CC2D2B: variants seen among roughly 807,000 people sequenced by gnomAD.
The protein encoded by CC2D2B is coiled-coil and C2 domain containing 2B, also known as protein CC2D2B.
In CC2D2B, 128 loss-of-function variants were observed where a neutral mutation model predicts 161.2. The ratio of observed to expected loss-of-function variants is 0.79; its 90% CI spans 0.69 to 0.92. The LOEUF (loss-of-function observed/expected upper bound fraction) is 0.92. CC2D2B is among the 40% of genes least tolerant of loss of function. CC2D2B has a pLI of 0.00. For synonymous variants in CC2D2B, 391 were observed against 449.8 expected (o/e 0.87, Z 1.65); for missense variants, 1,173 against 1,375.1 (o/e 0.85, Z 2.32).
At chr10:95,908,710 C>T (rs1254989820) in intron 1 of CC2D2B, among the ~76,000 whole-genome samples, 2 of 150,204 alleles carry the variant, frequency 1.3e-5, no homozygotes, top group African/African-American at 4.9e-5. Context: ...TCCTGGTTGA[C>T]TTTCTCTCTA....
intron 1 of CC2D2B, among the ~76,000 whole-genome samples, chr10:95,909,940 A>G (rs906031172): frequency 6.6e-6 from 1 of 152,232 alleles, no homozygotes; most frequent in African/African-American, 2.4e-5. Context: ...TGAGGCCAAG[A>G]GTTTGAGACC....
At chr10:96,011,041 G>C (rs1215534453) in intron 26 of CC2D2B, among the ~76,000 whole-genome samples, 3 of 152,196 alleles carry the variant, frequency 2.0e-5, no homozygotes, top group African/African-American at 4.8e-5. Flanking sequence ...ATAAATGGCT[G>C]CCATCGTATA....
chr10:95,989,033 C>T (rs1336752934), intron 20 of CC2D2B, among the ~76,000 whole-genome samples: 1 of 152,202 alleles, frequency 6.6e-6, no homozygotes, highest in Non-Finnish European at 1.5e-5. Flanking sequence ...CAAAAGTAGA[C>T]TCTTACCCAC....
At chr10:95,971,891 A>G (rs926314317) in intron 15 of CC2D2B, among the ~76,000 whole-genome samples, 175 bp from the exon 16 acceptor site, 2 of 152,232 alleles carry the variant, frequency 1.3e-5, no homozygotes, top group Non-Finnish European at 2.9e-5. Context: ...AAGGCATTAC[A>G]CTTTCAAGGA....
intron 12 of CC2D2B, among the ~76,000 whole-genome samples, chr10:95,963,548 T>C (rs1474750674): frequency 1.3e-5 from 2 of 152,008 alleles, no homozygotes; most frequent in Non-Finnish European, 2.9e-5. Flanking sequence ...TGGGTGTGCA[T>C]GAAACTGCCT....
At chr10:95,957,875 A>G (rs1382441765) in intron 11 of CC2D2B, among the ~76,000 whole-genome samples, 1 of 151,658 alleles carries the variant, frequency 6.6e-6, no homozygotes, top group Non-Finnish European at 1.5e-5. Context: ...TTTAAAAAAA[A>G]AAAAATAACA....
intron 33 of CC2D2B, among the ~76,000 whole-genome samples, chr10:96,026,498 C>T (rs1304623668): frequency 6.6e-6 from 1 of 152,096 alleles, no homozygotes; most frequent in Non-Finnish European, 1.5e-5. Flanking sequence ...TCATCCCAGA[C>T]CAGATGCGTG....
chr10:95,917,933 A>G lies in CC2D2B; in HGVS notation c.37-4083A>G, dbSNP rs923838770. On this transcript the variant is annotated intron_variant, in intron 2 of 34. Coordinates refer to ENST00000646931, the MANE Select transcript of CC2D2B (RefSeq NM_001349008.3). The stretch of plus-strand genomic sequence containing the variant: ...CTGGGTTACAGACGCACACCACCAC[A>G]CCTGGCTAATTTTTGTATTTTTAAG... Among the ~76,000 whole-genome samples, 4 of 151,768 alleles carry G rather than the reference A, an allele frequency of 2.6e-5. 1 individual carries two copies. Among genetic ancestry groups the G allele is most frequent in the African/African-American group, 9.7e-5 (4 of 41,294 alleles).
rs762303896 is a variant in CC2D2B at position 96,019,270 on chromosome 10, A to G, written c.3698A>G (p.Gln1233Arg). ...EYLLWNPSTG[Q>R]CYKQFDPFCP... The stretch of plus-strand genomic sequence containing the variant: ...TTGCTTTGGAATCCATCAACTGGCC[A>G]ATGTTATAAGCAGTTTGACCCGTTT... Residue 1233 changes from glutamine (Q) to arginine (R), a missense_variant, in exon 31 of 35, where the codon CAA (glutamine) becomes CGA (arginine). Coordinates refer to ENST00000646931, the MANE Select transcript of CC2D2B (RefSeq NM_001349008.3). 3.1e-6 allele frequency: 5 copies of G among 1,613,264 alleles called. No homozygotes were observed. In the Admixed American group the frequency reaches 8.3e-5, roughly 27 times the overall value.
At chr10:95,928,994 A>G (rs1041191758) in intron 6 of CC2D2B, among the ~76,000 whole-genome samples, 4 of 151,962 alleles carry the variant, frequency 2.6e-5, no homozygotes, top group Non-Finnish European at 5.9e-5. Context: ...GTCTTCCACA[A>G]TGGTGGAAGA....
At chr10:96,026,039 T>A (rs1037017762) in intron 33 of CC2D2B, among the ~76,000 whole-genome samples, 16 of 152,200 alleles carry the variant, frequency 1.1e-4, no homozygotes, top group Admixed American at 6.5e-5. Context: ...AATACAGGTA[T>A]GAGCATCCCT....
Position 95,938,851 on chromosome 10 carries a change from A to T in CC2D2B, c.727A>T (p.Lys243Ter). The change falls in exon 9 of 35, where the codon AAA (lysine) becomes TAA (stop). Residue 243 changes from lysine to a stop codon, truncating the protein, a stop_gained. Coordinates refer to ENST00000646931, the MANE Select transcript of CC2D2B (RefSeq NM_001349008.3). LOFTEE classifies it high-confidence loss of function. ...AATAATGTCATTACCTACACCTATT[A>T]AACAGTCATGGAATTTCAGACTAAA... ...GEIMSLPTPI[K>*]QSWNFRLNVR... is the part of the protein sequence containing the mutation. The T allele has an allele frequency of 1.4e-6, 1 of 715,454 alleles. No individual in the cohort carries two copies. Among genetic ancestry groups the T allele is most frequent in the Non-Finnish European group, 2.6e-6 (1 of 384,276 alleles). The allele number at this position is 715,454 out of a possible 1,614,324, so 44.3% of individuals were successfully genotyped here. A position where few individuals can be genotyped will look rare whatever the true frequency, so the allele number is the denominator to read the frequency against.
intron 13 of CC2D2B, 35 bp from the exon 14 acceptor site, chr10:95,966,155 C>T: frequency 1.2e-6 from 1 of 834,694 alleles, no homozygotes; most frequent in Non-Finnish European, 1.6e-6. Flanking sequence ...CAGGGATGTA[C>T]ATGGCAAATC....
chr10:95,979,412 C>T (rs921587897), intron 17 of CC2D2B, among the ~76,000 whole-genome samples: 3 of 152,122 alleles, frequency 2.0e-5, no homozygotes, highest in Non-Finnish European at 2.9e-5. Flanking sequence ...GTCCTTTTCC[C>T]TCTCTAGACT....
At chr10:96,004,654 TTAA>T (rs1382766188) in intron 25 of CC2D2B, among the ~76,000 whole-genome samples, 1 of 152,216 alleles carries the variant, frequency 6.6e-6, no homozygotes, top group Non-Finnish European at 1.5e-5. Flanking sequence ...TCAGTTCTAC[TTAA>T]TCTAATTTCT....
intron 2 of CC2D2B, chr10:95,921,419 C>T (rs1157514931): frequency 6.6e-6 from 1 of 152,222 alleles, no homozygotes; most frequent in African/African-American, 2.4e-5. Flanking sequence ...TCAAGATCGT[C>T]TTTCCTACTC....
intron 32 of CC2D2B, 174 bp downstream of exon 32, chr10:96,019,998 T>C (rs941256303): frequency 3.9e-6 from 2 of 513,108 alleles, no homozygotes; most frequent in African/African-American, 4.1e-5. Flanking sequence ...TTTCCCCTAC[T>C]TGCAGAAAAA....
intron 12 of CC2D2B, 75 bp from the exon 13 acceptor site, chr10:95,965,821 G>T: frequency 2.5e-6 from 1 of 399,086 alleles, no homozygotes; most frequent in East Asian, 4.0e-5. Context: ...GTGTGTGTGT[G>T]TTGGCAAAAT....
At chr10:95,952,226 T>A (rs1356843660) in intron 10 of CC2D2B, 1 of 152,228 alleles carries the variant, frequency 6.6e-6, no homozygotes, top group Non-Finnish European at 1.5e-5. Flanking sequence ...TATATGAGTA[T>A]GACTTCCACT....
Sources: gnomAD v4.1 joint callset for allele counts (sites outside exome capture counted in the v4.1 genomes callset) on GRCh38, gnomAD v4.1.1 for gene constraint, MANE v1.5 for transcripts, NCBI Gene and HGNC (gene_info 2026-07-23, HGNC 2026-07-21) for gene names.